RAB3C: variants seen among roughly 807,000 people sequenced by gnomAD.
RAB3C encodes RAB3C, member RAS oncogene family.
A neutral mutation model predicts 26.4 loss-of-function variants in RAB3C; 17 were observed. The observed-to-expected ratio is 0.64, with a 90% CI of 0.44 to 0.97. The LOEUF is 0.97. Among genes scored for constraint, RAB3C ranks in the 50% least tolerant of loss-of-function variants. RAB3C has a pLI of 0.00. For missense variants in RAB3C, 242 were observed against 281.9 expected (o/e 0.86, Z 1.01); for synonymous variants, 91 against 95.9 (o/e 0.95, Z 0.30).
At chr5:58,615,547 A>T (rs1305260293) in intron 1 of RAB3C, among the ~76,000 whole-genome samples, 4 of 152,144 alleles carry the variant, frequency 2.6e-5, no homozygotes, top group Non-Finnish European at 5.9e-5. Flanking sequence ...TCATTGTTCA[A>T]ACTAGTGGTC....
intron 3 of RAB3C, among the ~76,000 whole-genome samples, chr5:58,764,532 A>G (rs1300516942): frequency 2.6e-5 from 4 of 152,194 alleles, no homozygotes; most frequent in African/African-American, 9.6e-5. Context: ...ATTTTCAATT[A>G]AGCAAATAAT....
chr5:58,825,018 GCTT>G lies in RAB3C; in HGVS notation c.372-13_372-11del, dbSNP rs1191541577. The stretch of plus-strand genomic sequence containing the variant: ...TTCTGCTTTCCTCTGATTGTGTCAT[GCTT>G]CTTCTTTTTCTTTTAGGTCAACTCA... On this transcript the variant is annotated splice_polypyrimidine_tract_variant and intron_variant, in intron 3 of 4. Coordinates refer to ENST00000282878, the MANE Select transcript of RAB3C (RefSeq NM_138453.4). The G allele has an allele frequency of 1.4e-5, 22 of 1,572,250 alleles. No homozygotes were observed. Among genetic ancestry groups the G allele is most frequent in the African/African-American group, 4.1e-5 (3 of 73,370 alleles).
intron 3 of RAB3C, among the ~76,000 whole-genome samples, chr5:58,782,491 T>C (rs1005339090): frequency 3.3e-5 from 5 of 152,162 alleles, no homozygotes; most frequent in African/African-American, 4.8e-5. Flanking sequence ...CCCACCATTA[T>C]ATATATAATT....
intron 2 of RAB3C, among the ~76,000 whole-genome samples, chr5:58,690,111 G>T (rs1748537408): frequency 6.6e-6 from 1 of 152,020 alleles, no homozygotes; most frequent in African/African-American, 2.4e-5. Context: ...CAGAAATAAG[G>T]TTATTGAGAA....
intron 3 of RAB3C, among the ~76,000 whole-genome samples, chr5:58,810,589 T>C (rs1023733589): frequency 2.0e-5 from 3 of 152,094 alleles, no homozygotes; most frequent in Non-Finnish European, 2.9e-5. Context: ...TATCTTTTAG[T>C]TCATGTATTG....
intron 3 of RAB3C, among the ~76,000 whole-genome samples, chr5:58,778,323 C>T (rs1742195026): frequency 6.6e-6 from 1 of 152,074 alleles, no homozygotes; most frequent in East Asian, 1.9e-4. Context: ...GGATTTTAAC[C>T]TCTTGGTCTA....
At chr5:58,834,284 G>A (rs554146369) in intron 4 of RAB3C, among the ~76,000 whole-genome samples, 292 of 152,306 alleles carry the variant, frequency 1.9e-3, no homozygotes, top group Non-Finnish European at 3.2e-3. Context: ...CACCCACCTT[G>A]GCTATCTTAA....
intron 2 of RAB3C, among the ~76,000 whole-genome samples, chr5:58,647,026 T>C (rs564050518): frequency 6.6e-6 from 1 of 152,344 alleles, no homozygotes; most frequent in African/African-American, 2.4e-5. Context: ...ACAGTATTGC[T>C]TGATCCAATA....
Position 58,858,193 on chromosome 5 carries a change from A to G in RAB3C, c.*6842A>G, listed in dbSNP as rs1744305209. 1 of 152,174 alleles carries G rather than the reference A, an allele frequency of 6.6e-6. No individual in the cohort carries two copies. The highest frequency in any genetic ancestry group is 2.1e-4 in the South Asian group (1 of 4,832). The allele number at this position is 152,174 out of a possible 1,614,324, so 9.4% of individuals were successfully genotyped here. A position where few individuals can be genotyped will look rare whatever the true frequency, so the allele number is the denominator to read the frequency against. On this transcript the variant is annotated 3_prime_UTR_variant, in exon 5 of 5. Transcript: ENST00000282878. ...CAATCATATTAAATGGATTTGGTCT[A>G]TGTGGGTGATATGTGGCCTGAATGT...
chr5:58,854,262 T>A lies in RAB3C; in HGVS notation c.*2911T>A, dbSNP rs1744206257. 1 of 152,176 alleles carries A rather than the reference T, an allele frequency of 6.6e-6. No homozygotes were observed. Among genetic ancestry groups the A allele is most frequent in the African/African-American group, 2.4e-5 (1 of 41,436 alleles). The allele number at this position is 152,176 out of a possible 1,614,324, so 9.4% of individuals were successfully genotyped here. A position where few individuals can be genotyped will look rare whatever the true frequency, so the allele number is the denominator to read the frequency against. ...AATTAGTGTTTTAAGTATGAATTTATTTTCCTTTGCTACTCATTACCTGAC... is the reference window on the plus strand; with the variant it reads ...AATTAGTGTTTTAAGTATGAATTTAATTTCCTTTGCTACTCATTACCTGAC... On this transcript the variant is annotated 3_prime_UTR_variant, in exon 5 of 5. Transcript: ENST00000282878.
chr5:58,676,476 G>T (rs974703847), intron 2 of RAB3C, among the ~76,000 whole-genome samples: 1 of 151,980 alleles, frequency 6.6e-6, no homozygotes, highest in Non-Finnish European at 1.5e-5. Context: ...GTGCTCCAAT[G>T]TGGGCAACAG....
At chr5:58,638,159 AG>A (rs1380441833) in intron 2 of RAB3C, among the ~76,000 whole-genome samples, 1 of 152,164 alleles carries the variant, frequency 6.6e-6, no homozygotes, top group Non-Finnish European at 1.5e-5. Context: ...TTCCAACAAG[AG>A]GGCATGAGAT....
At chr5:58,786,104 G>A (rs1742374373) in intron 3 of RAB3C, among the ~76,000 whole-genome samples, 1 of 152,208 alleles carries the variant, frequency 6.6e-6, no homozygotes, top group Non-Finnish European at 1.5e-5. Context: ...TAATAGACTT[G>A]CAACATTTCA....
intron 3 of RAB3C, among the ~76,000 whole-genome samples, chr5:58,797,370 T>TAC (rs1742692646): frequency 5.2e-5 from 2 of 38,424 alleles, no homozygotes; most frequent in Non-Finnish European, 9.9e-5. Flanking sequence ...ATATATATAA[T>TAC]ATATATATAT....
chr5:58,752,063 C>CA (rs11320445), intron 3 of RAB3C, among the ~76,000 whole-genome samples: 22 of 140,568 alleles, frequency 1.6e-4, no homozygotes, highest in South Asian at 6.8e-4. Context: ...TACAGAGATG[C>CA]AAAAAAAAAT....
At chr5:58,602,254 C>G (rs1746473839) in intron 1 of RAB3C, among the ~76,000 whole-genome samples, 1 of 151,900 alleles carries the variant, frequency 6.6e-6, no homozygotes, top group South Asian at 2.1e-4. Flanking sequence ...TTTGAGGTTT[C>G]TTTTATGACC....
In RAB3C at chr5:58,852,230, G is replaced by A. The variant is rs1436098025; in HGVS notation, c.*879G>A. ...GGTCCAAGCCCCCTTATTTTTCAAT[G>A]ACTTGCCTTCCCCAACCCCCATAAT... On this transcript the variant is annotated 3_prime_UTR_variant, in exon 5 of 5. Transcript: ENST00000282878. The A allele has an allele frequency of 6.6e-6, 1 of 152,016 alleles. No individual in the cohort carries two copies. The highest frequency in any genetic ancestry group is 1.5e-5 in the Non-Finnish European group (1 of 68,002). 9.4% of individuals were successfully genotyped at this position (152,016 alleles called of 1,614,324 possible). A position where few individuals can be genotyped will look rare whatever the true frequency, so the allele number is the denominator to read the frequency against.
intron 1 of RAB3C, among the ~76,000 whole-genome samples, chr5:58,590,603 C>A (rs1480406791): frequency 6.6e-6 from 1 of 152,028 alleles, no homozygotes; most frequent in African/African-American, 2.4e-5. Context: ...AGTGCAGTGG[C>A]TGGATCTCAG....
At chr5:58,817,802 T>TA (rs11383147) in intron 3 of RAB3C, among the ~76,000 whole-genome samples, 16,493 of 152,020 alleles carry the variant, frequency 0.11, 2,750 homozygotes, top group African/African-American at 0.36. Flanking sequence ...ATTGAATAAA[T>TA]AAATGATTAA....
Sources: allele counts gnomAD v4.1 joint callset (sites outside exome capture counted in the v4.1 genomes callset), GRCh38; gene constraint gnomAD v4.1.1; transcripts MANE v1.5; gene names NCBI Gene and HGNC (gene_info 2026-07-23, HGNC 2026-07-21).